The following ARSF variants were observed in gnomAD, a reference collection of about 807,000 sequenced individuals.
ARSF encodes arylsulfatase F.
In ARSF, 33 loss-of-function variants were observed where a neutral mutation model predicts 35.4. The ratio of observed to expected loss-of-function variants is 0.93; its 90% CI spans 0.71 to 1.25. The LOEUF is 1.25. ARSF is among the 50% of genes most tolerant of loss of function. The pLI, the probability that ARSF is intolerant of heterozygous loss-of-function variation, is 0.00. For synonymous variants in ARSF, 222 were observed against 193.1 expected (o/e 1.15, Z -1.24); for missense variants, 501 against 480.2 (o/e 1.04, Z -0.40).
In ARSF at chrX:3,066,580, G is replaced by A. The variant is rs1014537608; in HGVS notation, c.-28-1493G>A. Among the ~76,000 whole-genome samples the A allele has an allele frequency of 9.8e-5, 11 of 112,205 alleles. No individual in the cohort carries two copies. The South Asian group carries it at 4.1e-3, about 42-fold the overall frequency. On this transcript the variant is annotated intron_variant, in intron 1 of 10. Coordinates refer to ENST00000381127, the MANE Select transcript of ARSF (RefSeq NM_001201539.2). ...GTCGTCCCAGATAAGAACATTCAGC[G>A]TCAGCAAGAAAGGCTGTAGGTATTT...
chrX:3,083,624 A>G (rs1164428194), intron 5 of ARSF, among the ~76,000 whole-genome samples: 2 of 108,690 alleles, frequency 1.8e-5, no homozygotes, highest in Middle Eastern at 4.3e-3. Context: ...CTTTCTTTCT[A>G]TCATCTCTAT....
At chrX:3,068,023 T>C in intron 1 of ARSF, 50 bp from the exon 2 acceptor site, 1 of 659,976 alleles carries the variant, frequency 1.5e-6, no homozygotes, top group Non-Finnish European at 2.1e-6. Flanking sequence ...AATGATACTT[T>C]TTTTTTTTTT....
chrX:3,076,507 C>A, intron 3 of ARSF, 41 bp from the exon 4 acceptor site: 1 of 1,164,940 alleles, frequency 8.6e-7, no homozygotes, highest in Non-Finnish European at 1.1e-6. Context: ...CGCCCCCCAC[C>A]TTTTCCTTCT....
At chrX:3,083,481 CCTATCTATCTATCTAT>C (rs746160970) in intron 5 of ARSF, among the ~76,000 whole-genome samples, 36 of 93,500 alleles carry the variant, frequency 3.9e-4, no homozygotes, top group Admixed American at 1.1e-3. Context: ...TCTCCTCTAT[CCTATCTATCTATCTAT>C]CTATCTATCT....
intron 1 of ARSF, among the ~76,000 whole-genome samples, chrX:3,055,922 G>A (rs1027128697): frequency 2.7e-5 from 3 of 110,947 alleles, no homozygotes; most frequent in Admixed American, 1.9e-4. Context: ...AAAGAAATGC[G>A]GCATCATTCT....
At chrX:3,044,308 G>A (rs1215352535) in intron 1 of ARSF, among the ~76,000 whole-genome samples, 2 of 112,055 alleles carry the variant, frequency 1.8e-5, no homozygotes, top group Non-Finnish European at 3.8e-5. Flanking sequence ...TTAGAGTCAC[G>A]TTAGATGGGA....
At chrX:3,092,162 A>G (rs966233780) in intron 7 of ARSF, among the ~76,000 whole-genome samples, 1 of 85,827 alleles carries the variant, frequency 1.2e-5, no homozygotes, top group African/African-American at 4.4e-5. Flanking sequence ...AGGTAGGTAG[A>G]TAGATGATAG....
rs760237811 is a variant in ARSF at position 3,056,977 on chromosome X, T to G, written c.-28-11096T>G. On this transcript the variant is annotated intron_variant, in intron 1 of 10. Coordinates refer to ENST00000381127, the MANE Select transcript of ARSF (RefSeq NM_001201539.2). ...AGAGGAGCTATTCTGATTCCATTCA[T>G]TGTGACTCCAAAGTCTACCCTGGAA... 2.7e-5 allele frequency among the ~76,000 whole-genome samples: 3 copies of G among 111,396 alleles called. No homozygotes were observed. In the South Asian group the frequency reaches 1.2e-3, roughly 43 times the overall value.
chrX:3,076,205 T>C (rs1387596954), intron 3 of ARSF, among the ~76,000 whole-genome samples: 4 of 107,249 alleles, frequency 3.7e-5, no homozygotes, highest in Non-Finnish European at 7.7e-5. Context: ...TTTTTTCTGT[T>C]TGTCTCTCTC....
At chrX:3,068,801 T>C (rs2090083739) in intron 2 of ARSF, among the ~76,000 whole-genome samples, 1 of 111,677 alleles carries the variant, frequency 9.0e-6, no homozygotes, top group African/African-American at 3.3e-5. Flanking sequence ...ATGAAAAGCA[T>C]TTCTATAACT....
chrX:3,045,040 A>G (rs757336098), intron 1 of ARSF, among the ~76,000 whole-genome samples: 1 of 111,726 alleles, frequency 9.0e-6, no homozygotes, highest in South Asian at 3.8e-4. Flanking sequence ...TGAGGTTTAT[A>G]AAAACACAAA....
At chrX:3,059,015 T>C (rs1320892544) in intron 1 of ARSF, among the ~76,000 whole-genome samples, 2 of 112,138 alleles carry the variant, frequency 1.8e-5, no homozygotes, top group African/African-American at 6.5e-5. Context: ...AGAAACAGAA[T>C]GAATTGAGAG....
At chrX:3,102,515 A>T (rs1347077510) in intron 8 of ARSF, among the ~76,000 whole-genome samples, 3 of 112,503 alleles carry the variant, frequency 2.7e-5, no homozygotes, top group Non-Finnish European at 3.8e-5. Flanking sequence ...CGTTTTCTTT[A>T]TCCACCTGTT....
chrX:3,094,009 A>G (rs1370401748), intron 7 of ARSF, among the ~76,000 whole-genome samples: 1 of 112,014 alleles, frequency 8.9e-6, no homozygotes, highest in Non-Finnish European at 1.9e-5. Flanking sequence ...ATTGAAAGTA[A>G]TGACAAAGAC....
chrX:3,069,982 A>G (rs1014709712), intron 2 of ARSF, among the ~76,000 whole-genome samples: 5 of 112,080 alleles, frequency 4.5e-5, no homozygotes, highest in African/African-American at 1.3e-4. Flanking sequence ...AGTACAATAG[A>G]TTCTTTGAAC....
intron 7 of ARSF, among the ~76,000 whole-genome samples, chrX:3,097,455 A>C (rs1007871136): frequency 1.8e-5 from 2 of 112,151 alleles, no homozygotes; most frequent in Non-Finnish European, 1.9e-5. Context: ...ATGGAAACAC[A>C]TAATTCCTTC....
intron 7 of ARSF, among the ~76,000 whole-genome samples, chrX:3,092,296 T>C (rs149283502): frequency 1.9e-3 from 216 of 111,917 alleles, no homozygotes; most frequent in South Asian, 0.017. Flanking sequence ...AGATTCTTAA[T>C]ATTGCACTCA....
Position 3,054,791 on chromosome X carries a change from C to T in ARSF, c.-29+13128C>T, listed in dbSNP as rs375552632. Among the ~76,000 whole-genome samples, 49 of 106,488 alleles carry T rather than the reference C, an allele frequency of 4.6e-4. 1 individual carries two copies. The South Asian group carries it at 0.019, about 41-fold the overall frequency. The allele number at this position is 106,488 out of a possible 115,157, so 92.5% of individuals were successfully genotyped here. A position where few individuals can be genotyped will look rare whatever the true frequency, so the allele number is the denominator to read the frequency against. On this transcript the variant is annotated intron_variant, in intron 1 of 10. Transcript: ENST00000381127. ...TGTTGTTGCCCAGGCTGGAGTGCAACGGCACGATCTCGGCTCACTGCAATC... is the reference window on the plus strand; with the variant it reads ...TGTTGTTGCCCAGGCTGGAGTGCAATGGCACGATCTCGGCTCACTGCAATC...
intron 3 of ARSF, among the ~76,000 whole-genome samples, chrX:3,073,776 T>C (rs1603464435): frequency 1.0e-5 from 1 of 100,480 alleles, no homozygotes; most frequent in East Asian, 2.9e-4. Flanking sequence ...TATATATTCA[T>C]AAATATATAA....
Sources: allele counts gnomAD v4.1 joint callset (sites outside exome capture counted in the v4.1 genomes callset), GRCh38; gene constraint gnomAD v4.1.1; transcripts MANE v1.5; gene names NCBI Gene and HGNC (gene_info 2026-07-23, HGNC 2026-07-21).